The following USP54 variants were observed in gnomAD, a reference collection of about 807,000 sequenced individuals.
The protein encoded by USP54 is ubiquitin carboxyl-terminal hydrolase 54.
USP54 carries 87 observed loss-of-function variants against 170.5 expected under a neutral mutation model. The observed-to-expected ratio is 0.51, with a 90% confidence interval of 0.43 to 0.61. The LOEUF (loss-of-function observed/expected upper bound fraction) is 0.61. USP54 is among the 20% of genes least tolerant of loss of function. The probability of loss-of-function intolerance (pLI) is 0.00; values close to 1 mark genes in which losing one functional copy is unlikely to be tolerated. For missense variants in USP54, 1,786 were observed against 2,047.8 expected, an observed-to-expected ratio of 0.87 and a Z score of 2.47; for synonymous variants, 655 against 742.8, an observed-to-expected ratio of 0.88 and a Z score of 1.92.
chr10:73,544,848 G>C (rs1242754608), intron 5 of USP54, among the ~76,000 whole-genome samples: 3 of 151,970 alleles, frequency 2.0e-5, no homozygotes, highest in Admixed American at 1.3e-4. Flanking sequence ...CAAGTAGCTG[G>C]GACTATAGGC....
chr10:73,568,066 ACCATGT>A (rs2074249820), intron 4 of USP54, among the ~76,000 whole-genome samples: 1 of 152,054 alleles, frequency 6.6e-6, no homozygotes, highest in South Asian at 2.1e-4. Context: ...GGTATGTGCG[ACCATGT>A]CCCACTAATT....
intron 1 of USP54, chr10:73,624,298 A>G (rs2081342165): frequency 6.9e-6 from 1 of 145,094 alleles, no homozygotes; most frequent in Non-Finnish European, 1.5e-5. Flanking sequence ...CCGGGGTTCA[A>G]GCGATTCTCC....
intron 1 of USP54, among the ~76,000 whole-genome samples, chr10:73,601,508 T>C (rs2079163804): frequency 6.6e-6 from 1 of 152,108 alleles, no homozygotes; most frequent in Non-Finnish European, 1.5e-5. Context: ...AATGCCTTTT[T>C]TTTTTTTCCT....
intron 3 of USP54, among the ~76,000 whole-genome samples, chr10:73,574,615 A>G (rs1412241968): frequency 1.2e-4 from 18 of 152,042 alleles, no homozygotes; most frequent in Admixed American, 1.2e-3. Flanking sequence ...TGTCTCCACT[A>G]AAAATACAAA....
Position 73,526,658 on chromosome 10 carries a change from T to C in USP54, c.2183A>G (p.Gln728Arg). 6.2e-7 allele frequency: 1 copy of C among 1,614,022 alleles called. No homozygotes were observed. Among genetic ancestry groups the C allele is most frequent in the Non-Finnish European group, 8.5e-7 (1 of 1,179,982 alleles). ...GTCATTCTGCTTACCAGAGAAAGGC[T>C]GACTCTTTGTCCAGCCACCCATGGA... Reference protein sequence around the residue: ...TASMGGWTKSQPFSGEEISSK... With the variant: ...TASMGGWTKSRPFSGEEISSK... Residue 728 changes from glutamine to arginine, a missense_variant, in exon 16 of 24, where the codon CAG (glutamine) becomes CGG (arginine). Transcript: ENST00000687698.
At chr10:73,577,005 G>C (rs1308321147) in intron 1 of USP54, among the ~76,000 whole-genome samples, 1 of 152,114 alleles carries the variant, frequency 6.6e-6, no homozygotes, top group African/African-American at 2.4e-5. Flanking sequence ...TTATATCCAA[G>C]GGCTCACAAT....
intron 1 of USP54, among the ~76,000 whole-genome samples, chr10:73,600,456 C>T (rs2079077876): frequency 6.6e-6 from 1 of 151,952 alleles, no homozygotes; most frequent in Non-Finnish European, 1.5e-5. Flanking sequence ...GAAGATATTG[C>T]CATTGGAGGA....
intron 1 of USP54, among the ~76,000 whole-genome samples, chr10:73,585,178 A>G (rs2077334226): frequency 6.6e-6 from 1 of 152,230 alleles, no homozygotes; most frequent in Non-Finnish European, 1.5e-5. Context: ...TACTGCTAGC[A>G]CTACAGAAAC....
Position 73,614,526 on chromosome 10 carries a change from C to T in USP54, c.-18+11041G>A, listed in dbSNP as rs988517188. ...AGTGAGCCGAGATCACGCCACGGCA[C>T]TCCAGCCTAGGCAACAAAAGTGAGA... On this transcript the variant is annotated intron_variant, in intron 1 of 22. Coordinates refer to the USP54 transcript ENST00000339859. Among the ~76,000 whole-genome samples the T allele has an allele frequency of 7.8e-5, 11 of 141,132 alleles. 1 individual carries two copies. The highest frequency in any genetic ancestry group is 1.2e-4 in the Non-Finnish European group (8 of 67,248). 92.6% of individuals were successfully genotyped at this position (141,132 alleles called of 152,430 possible).
intron 4 of USP54, among the ~76,000 whole-genome samples, chr10:73,566,332 CA>C (rs2073799420): frequency 6.6e-6 from 1 of 152,140 alleles, no homozygotes; most frequent in Admixed American, 6.5e-5. Flanking sequence ...AGCTAAGAAA[CA>C]CACACAAAAT....
At chr10:73,521,102 T>C in intron 17 of USP54, 75 bp from the exon 18 acceptor site, 1 of 1,585,690 alleles carries the variant, frequency 6.3e-7, no homozygotes, top group Non-Finnish European at 8.6e-7. Context: ...TTCCCTTCAG[T>C]ACACAGAGAT....
intron 4 of USP54, among the ~76,000 whole-genome samples, chr10:73,550,543 A>T (rs2069018952): frequency 6.6e-6 from 1 of 152,308 alleles, no homozygotes; most frequent in South Asian, 2.1e-4. Context: ...AATATTGAGA[A>T]TATAAGACAT....
intron 1 of USP54, among the ~76,000 whole-genome samples, chr10:73,597,589 A>C (rs1049983342): frequency 6.6e-6 from 1 of 152,082 alleles, no homozygotes; most frequent in African/African-American, 2.4e-5. Flanking sequence ...CCCTCTAACC[A>C]CCAAAGTAGC....
chr10:73,609,760 C>T (rs2079977795), intron 1 of USP54, among the ~76,000 whole-genome samples: 1 of 151,610 alleles, frequency 6.6e-6, no homozygotes, highest in South Asian at 2.1e-4. Flanking sequence ...AGGAGAAGCG[C>T]TTGAGCCTGG....
intron 7 of USP54, among the ~76,000 whole-genome samples, chr10:73,542,260 G>T (rs1258967253): frequency 6.6e-6 from 1 of 152,062 alleles, no homozygotes; most frequent in Non-Finnish European, 1.5e-5. Context: ...AACCATGCCT[G>T]GCTAATTCTT....
At chr10:73,583,974 T>C (rs752891240) in intron 1 of USP54, among the ~76,000 whole-genome samples, 2 of 152,094 alleles carry the variant, frequency 1.3e-5, no homozygotes, top group African/African-American at 2.4e-5. Flanking sequence ...TAAAAAACAT[T>C]TTAAATTATG....
intron 1 of USP54, among the ~76,000 whole-genome samples, chr10:73,615,588 T>G (rs1308078802): frequency 6.7e-6 from 1 of 150,258 alleles, no homozygotes; most frequent in Non-Finnish European, 1.5e-5. Flanking sequence ...CCAATAAATA[T>G]ACACACCTAC....
At chr10:73,525,279 G>GT (rs1590019815) in intron 16 of USP54, among the ~76,000 whole-genome samples, 1 of 152,162 alleles carries the variant, frequency 6.6e-6, no homozygotes, top group African/African-American at 2.4e-5. Context: ...TACCCCTGTA[G>GT]TTTTTTAAAG....
chr10:73,594,353 G>A (rs2078545911), upstream of USP54, among the ~76,000 whole-genome samples: 1 of 152,118 alleles, frequency 6.6e-6, no homozygotes, highest in Admixed American at 6.6e-5. Context: ...TTACAGGTGT[G>A]AGCCACTGTG....
Sources: gnomAD v4.1 joint callset for allele counts (sites outside exome capture counted in the v4.1 genomes callset) on GRCh38, gnomAD v4.1.1 for gene constraint, MANE v1.5 for transcripts, NCBI Gene and HGNC (gene_info 2026-07-23, HGNC 2026-07-21) for gene names.